Variants in KCNIP4 observed in about 807,000 individuals in gnomAD.
KCNIP4 encodes potassium voltage-gated channel interacting protein 4.
KCNIP4 carries 12 observed loss-of-function variants against 34.0 expected under a neutral mutation model. That is an observed-to-expected ratio of 0.35 (90% CI 0.23 to 0.57). KCNIP4 has a LOEUF of 0.57. Ranked by LOEUF, KCNIP4 falls within the 20% of genes least tolerant of loss-of-function variation. KCNIP4 has a pLI of 0.83. For missense variants in KCNIP4, 238 were observed against 311.7 expected (o/e 0.76, Z 1.78); for synonymous variants, 124 against 102.2 (o/e 1.21, Z -1.29).
intron 1 of KCNIP4, among the ~76,000 whole-genome samples, chr4:20,909,277 T>C (rs553951259): frequency 6.6e-6 from 1 of 152,178 alleles, no homozygotes; most frequent in Admixed American, 6.5e-5. Context: ...CTGTTTTCCA[T>C]AGAGTGTTAT....
chr4:21,278,280 G>A (rs1006749802), intron 1 of KCNIP4, among the ~76,000 whole-genome samples: 1 of 152,234 alleles, frequency 6.6e-6, no homozygotes, highest in African/African-American at 2.4e-5. Context: ...ACAGGAGTTT[G>A]TTGCACAGAT....
chr4:21,223,289 T>G (rs1758114423), intron 1 of KCNIP4, among the ~76,000 whole-genome samples: 2 of 152,170 alleles, frequency 1.3e-5, no homozygotes. Flanking sequence ...CCAAGGAATG[T>G]AGGTGACTGC....
chr4:21,835,781 C>T (rs1264187392), intron 1 of KCNIP4, among the ~76,000 whole-genome samples: 1 of 151,888 alleles, frequency 6.6e-6, no homozygotes, highest in Non-Finnish European at 1.5e-5. Flanking sequence ...TAGAAGCAAA[C>T]AAATACCAAT....
At chr4:21,513,672 C>T (rs755102999) in intron 1 of KCNIP4, among the ~76,000 whole-genome samples, 8 of 152,238 alleles carry the variant, frequency 5.3e-5, no homozygotes, top group Non-Finnish European at 8.8e-5. Flanking sequence ...TCAGCCTTCA[C>T]GTGGCATGTG....
At chr4:21,268,275 C>A (rs1434901291) in intron 1 of KCNIP4, among the ~76,000 whole-genome samples, 1 of 151,990 alleles carries the variant, frequency 6.6e-6, no homozygotes, top group Non-Finnish European at 1.5e-5. Context: ...TGACTCTTTG[C>A]ATAATAATGT....
At chr4:21,248,476 G>A (rs920973615) in intron 1 of KCNIP4, among the ~76,000 whole-genome samples, 8 of 152,216 alleles carry the variant, frequency 5.3e-5, no homozygotes, top group African/African-American at 1.7e-4. Context: ...GTTGTTCACC[G>A]CTGACTGACT....
intron 1 of KCNIP4, among the ~76,000 whole-genome samples, chr4:20,976,216 A>G (rs1735476936): frequency 6.6e-6 from 1 of 152,104 alleles, no homozygotes; most frequent in South Asian, 2.1e-4. Flanking sequence ...AACCCATTAG[A>G]AATGTGAATT....
At position 21,582,750 on chromosome 4, in the gene KCNIP4, T is replaced by C. The variant is rs59371722; in HGVS notation, c.61+365821A>G. 9.0e-3 allele frequency among the ~76,000 whole-genome samples: 1,364 copies of C among 151,950 alleles called. 8 individuals are homozygous for C. Among genetic ancestry groups the C allele is most frequent in the African/African-American group, 9.6e-3 (400 of 41,492 alleles). ...ATGAATCCAACTTATAAATAAACTA[T>C]GAACACTGGACACAATGCATGCAAA... On this transcript the variant is annotated intron_variant, in intron 1 of 8. Coordinates refer to ENST00000382152, the MANE Select transcript of KCNIP4 (RefSeq NM_025221.6).
At chr4:21,294,601 A>G (rs1205013475) in intron 1 of KCNIP4, among the ~76,000 whole-genome samples, 1 of 152,192 alleles carries the variant, frequency 6.6e-6, no homozygotes, top group Non-Finnish European at 1.5e-5. Flanking sequence ...TTAATACTAC[A>G]AATATGTAAA....
At chr4:21,519,386 G>GTA (rs1735085682) in intron 1 of KCNIP4, among the ~76,000 whole-genome samples, 2 of 131,938 alleles carry the variant, frequency 1.5e-5, no homozygotes, top group African/African-American at 2.7e-5. Flanking sequence ...ATATGTATGT[G>GTA]TATATATACA....
intron 1 of KCNIP4, among the ~76,000 whole-genome samples, chr4:21,770,009 TA>T (rs112378745): frequency 0.27 from 40,315 of 151,230 alleles, 9,473 homozygotes; most frequent in African/African-American, 0.64. Context: ...TTATTTCTTC[TA>T]AAAAAAAAGA....
At chr4:20,800,793 A>C (rs1354380535) in intron 3 of KCNIP4, among the ~76,000 whole-genome samples, 1 of 152,312 alleles carries the variant, frequency 6.6e-6, no homozygotes, top group East Asian at 1.9e-4. Flanking sequence ...CTTATGGGAT[A>C]TCATTAAGCA....
At chr4:21,281,740 C>A (rs1183724617) in intron 1 of KCNIP4, among the ~76,000 whole-genome samples, 1 of 152,076 alleles carries the variant, frequency 6.6e-6, no homozygotes. Flanking sequence ...AAATTGATAA[C>A]CTGTGTACAT....
At chr4:21,530,311 A>C (rs1736570068) in intron 1 of KCNIP4, among the ~76,000 whole-genome samples, 1 of 152,188 alleles carries the variant, frequency 6.6e-6, no homozygotes, top group African/African-American at 2.4e-5. Flanking sequence ...AGCCCTACAC[A>C]ACCCTGAAAC....
chr4:21,804,207 C>A (rs1169015587), intron 1 of KCNIP4, among the ~76,000 whole-genome samples: 1 of 152,196 alleles, frequency 6.6e-6, no homozygotes, highest in Non-Finnish European at 1.5e-5. Flanking sequence ...GCAAGAAGGA[C>A]AATGCAAGGC....
chr4:21,333,744 C>A (rs1360233574), intron 1 of KCNIP4, among the ~76,000 whole-genome samples: 1 of 150,430 alleles, frequency 6.6e-6, no homozygotes, highest in Non-Finnish European at 1.5e-5. Flanking sequence ...TCTTTGAAAA[C>A]AACCAAAAAA....
chr4:21,719,631 A>C (rs1346595970), intron 1 of KCNIP4, among the ~76,000 whole-genome samples: 1 of 152,154 alleles, frequency 6.6e-6, no homozygotes, highest in Admixed American at 6.6e-5. Flanking sequence ...ACCTCTCATC[A>C]GCAGTGGCAA....
At chr4:21,400,124 C>A (rs1400473987) in intron 1 of KCNIP4, among the ~76,000 whole-genome samples, 5 of 152,162 alleles carry the variant, frequency 3.3e-5, no homozygotes, top group African/African-American at 1.2e-4. Flanking sequence ...GAGGTAGAAA[C>A]AGCCTCTATG....
At chr4:20,875,582 G>C (rs570065932) in intron 2 of KCNIP4, among the ~76,000 whole-genome samples, 1 of 152,142 alleles carries the variant, frequency 6.6e-6, no homozygotes, top group East Asian at 1.9e-4. Flanking sequence ...TAAGAAATAC[G>C]TAAATATTAA....
Sources: gnomAD v4.1 joint callset for allele counts (sites outside exome capture counted in the v4.1 genomes callset) on GRCh38, gnomAD v4.1.1 for gene constraint, MANE v1.5 for transcripts, NCBI Gene and HGNC (gene_info 2026-07-23, HGNC 2026-07-21) for gene names.